RPS3A: variants seen among roughly 807,000 people sequenced by gnomAD.
RPS3A encodes the protein ribosomal protein S3A.
Under a neutral mutation model 26.4 loss-of-function variants are expected in RPS3A, and 1 was observed. The ratio of observed to expected loss-of-function variants is 0.04; its 90% CI spans 0.01 to 0.18. The LOEUF (loss-of-function observed/expected upper bound fraction) is 0.18. RPS3A is among the 10% of genes least tolerant of loss of function. RPS3A has a pLI of 1.00. For synonymous variants in RPS3A, 97 were observed against 106.1 expected (o/e 0.91, Z 0.53); for missense variants, 139 against 326.8 (o/e 0.43, Z 4.43).
chr4:151,103,303 G>A (rs992724664), intron 4 of RPS3A: 4 of 872,688 alleles, frequency 4.6e-6, no homozygotes, highest in Non-Finnish European at 6.3e-6. Flanking sequence ...AGGCTCGAGT[G>A]CAGTATTGTG....
intron 4 of RPS3A, chr4:151,103,419 A>G (rs886678282): frequency 2.8e-6 from 2 of 715,382 alleles, no homozygotes; most frequent in Non-Finnish European, 3.5e-6. Flanking sequence ...ATACCCAGCT[A>G]ATTTTTTTAA....
At position 151,104,457 on chromosome 4, in the gene RPS3A, T is replaced by TTTTTTTTTTTG; in HGVS notation, c.674-10_674-9insTTTTTGTTTTT. On this transcript the variant is annotated splice_polypyrimidine_tract_variant and intron_variant, in intron 5 of 5. Transcript: ENST00000274065. ...TTTTTTGGTTTTTTTTTTTTTTTTTTTTTTTGCCTTTTAGTGGGAAAGCTC... is the reference window on the plus strand; with the variant it reads ...TTTTTTGGTTTTTTTTTTTTTTTTTTTTTTTTTTTTGTTTTTGCCTTTTAGTGGGAAAGCTC... 2 of 1,422,982 alleles carry TTTTTTTTTTTG rather than the reference T, an allele frequency of 1.4e-6. No individual in the cohort carries two copies. The highest frequency in any genetic ancestry group is 9.1e-7 in the Non-Finnish European group (1 of 1,094,888). The allele number at this position is 1,422,982 out of a possible 1,614,324, so 88.1% of individuals were successfully genotyped here. A position where few individuals can be genotyped will look rare whatever the true frequency, so the allele number is the denominator to read the frequency against.
chr4:151,102,732 C>CTTT (rs1193715783), intron 3 of RPS3A, 139 bp from the exon 4 acceptor site: 1 of 1,034,336 alleles, frequency 9.7e-7, no homozygotes, highest in African/African-American at 1.6e-5. Context: ...ATTCTGTAAA[C>CTTT]TTAAAGAGAT....
At chr4:151,102,780 T>C in intron 3 of RPS3A, 91 bp from the exon 4 acceptor site, 9 of 1,336,246 alleles carry the variant, frequency 6.7e-6, no homozygotes, top group Non-Finnish European at 8.1e-6. Context: ...TAATAATGAG[T>C]GTTTGACAAT....
intron 4 of RPS3A, chr4:151,103,324 G>A (rs1747214174): frequency 1.4e-6 from 1 of 717,796 alleles, no homozygotes. Flanking sequence ...ATCCTCCTTG[G>A]CTCACTGTAA....
intron 5 of RPS3A, 86 bp from the exon 6 acceptor site, chr4:151,104,386 A>C: frequency 1.4e-6 from 2 of 1,471,372 alleles, no homozygotes; most frequent in South Asian, 2.7e-5. Context: ...TCTTCCTGTC[A>C]TGCTTGCATA....
At chr4:151,099,776 C>G (rs1747032329) in intron 1 of RPS3A, 62 bp downstream of exon 1, 1 of 1,527,960 alleles carries the variant, frequency 6.5e-7, no homozygotes, top group Non-Finnish European at 8.9e-7. Context: ...GCGGGCTGGT[C>G]CTAGATCGCG....
intron 2 of RPS3A, 146 bp from the exon 3 acceptor site, chr4:151,100,829 T>G (rs575629542): frequency 3.2e-6 from 2 of 633,700 alleles, no homozygotes; most frequent in East Asian, 5.4e-5. Context: ...GTACTGTTGA[T>G]AAGTCACTGG....
intron 3 of RPS3A, among the ~76,000 whole-genome samples, chr4:151,101,786 G>A (rs1747123778): frequency 1.3e-5 from 2 of 152,166 alleles, no homozygotes; most frequent in South Asian, 4.1e-4. Flanking sequence ...GGGCTGGAGT[G>A]CAGTGGCGCC....
chr4:151,101,918 A>G (rs776029821), intron 3 of RPS3A: 1 of 345,618 alleles, frequency 2.9e-6, no homozygotes. Flanking sequence ...TTTTTAGTAG[A>G]GACAGGGTTT....
chr4:151,099,721 C>T lies in RPS3A; in HGVS notation c.62+7C>T, dbSNP rs748439307. 1.2e-6 allele frequency: 2 copies of T among 1,610,992 alleles called. No individual in the cohort carries two copies. Among genetic ancestry groups the T allele is most frequent in the African/African-American group, 1.3e-5 (1 of 74,962 alleles). Reference sequence around the variant, plus strand: ...AGGGAGCCAAGAAGAAAGTGTAAGTCGCGACTGTCGTGGCGTCTTGCTTTT... The same window carrying T: ...AGGGAGCCAAGAAGAAAGTGTAAGTTGCGACTGTCGTGGCGTCTTGCTTTT... On this transcript the variant is annotated splice_region_variant and intron_variant, in intron 1 of 5. Transcript: ENST00000274065.
chr4:151,101,460 G>A (rs1747110551), intron 3 of RPS3A, among the ~76,000 whole-genome samples: 1 of 152,092 alleles, frequency 6.6e-6, no homozygotes, highest in South Asian at 2.1e-4. Flanking sequence ...GCAGGTGGGC[G>A]GTTTTGCCTG....
At chr4:151,103,777 GA>G in intron 4 of RPS3A, 1 of 1,331,736 alleles carries the variant, frequency 7.5e-7, no homozygotes, top group Non-Finnish European at 9.9e-7. Flanking sequence ...CACACACAAA[GA>G]AAAAATACAC....
In RPS3A at chr4:151,104,203, T is replaced by C. The variant is rs376663143; in HGVS notation, c.590T>C (p.Ile197Thr). The change falls in exon 5 of 6, where the codon ATA becomes ACA. Residue 197 changes from isoleucine (I) to threonine (T), a missense_variant. Ile to Thr is a moderately conservative substitution (Grantham distance 89, BLOSUM62 -1). This residue lies in a region of RPS3A where 96 missense variants were observed against 209.8 expected (regional missense o/e 0.46). Coordinates refer to ENST00000274065, the MANE Select transcript of RPS3A (RefSeq NM_001006.5). ...KLIPDSIGKDIEKACQSIYPL... is the reference protein window; with the variant it reads ...KLIPDSIGKDTEKACQSIYPL... The stretch of plus-strand genomic sequence containing the variant: ...ATTCCAGACAGCATTGGAAAAGACA[T>C]AGAAAAGGCTTGCCAATCTATTTAT... 1 of 1,611,596 alleles carries C rather than the reference T, an allele frequency of 6.2e-7. No homozygotes were observed. Among genetic ancestry groups the C allele is most frequent in the African/African-American group, 1.3e-5 (1 of 74,802 alleles).
intron 3 of RPS3A, 53 bp downstream of exon 3, chr4:151,101,215 T>C: frequency 8.8e-7 from 1 of 1,132,202 alleles, no homozygotes; most frequent in Non-Finnish European, 1.3e-6. Flanking sequence ...TGACCAAGGA[T>C]AGCATGGTTT....
At chr4:151,104,439 G>GTTTTTGTTT in intron 5 of RPS3A, 33 bp from the exon 6 acceptor site, 1 of 710,330 alleles carries the variant, frequency 1.4e-6, no homozygotes, top group African/African-American at 2.9e-5. Context: ...CAGTTTTTTG[G>GTTTTTGTTT]TTTTTTTTTT....
Position 151,104,507 on chromosome 4 carries a change from A to G in RPS3A, c.709A>G (p.Ser237Gly), listed in dbSNP as rs766820318. 7 of 1,476,910 alleles carry G rather than the reference A, an allele frequency of 4.7e-6. No individual in the cohort carries two copies. Among genetic ancestry groups the G allele is most frequent in the Middle Eastern group, 4.1e-4 (2 of 4,914 alleles). 91.5% of individuals were successfully genotyped at this position (1,476,910 alleles called of 1,614,324 possible). A position where few individuals can be genotyped will look rare whatever the true frequency, so the allele number is the denominator to read the frequency against. Residue 237 changes from serine (S) to glycine (G), a missense_variant, in exon 6 of 6, where the codon AGT becomes GGT. Physicochemically the swap from Ser to Gly is moderately conservative, Grantham distance 56. Transcript: ENST00000274065. ...CATGGAGCTTCATGGTGAAGGCAGT[A>G]GTTCTGGAAAAGCCACTGGGGACGA... is the stretch of plus-strand genomic sequence containing the variant. ...KLMELHGEGSSSGKATGDETG... is the reference protein window; with the variant it reads ...KLMELHGEGSGSGKATGDETG...
At chr4:151,103,132 C>T (rs1296523025) in intron 4 of RPS3A, 53 bp downstream of exon 4, 1 of 1,558,506 alleles carries the variant, frequency 6.4e-7, no homozygotes, top group African/African-American at 1.4e-5. Flanking sequence ...TTGGATTATT[C>T]CTGAGATGAG....
chr4:151,102,627 TGGAGGGTAGAAAGGAGGAG>T, intron 3 of RPS3A: 1 of 489,320 alleles, frequency 2.0e-6, no homozygotes, highest in Non-Finnish European at 3.7e-6. Context: ...GTAGTGTTAA[TGGAGGGTAGAAAGGAGGAG>T]GGAGGGCAGT....
Sources: allele counts gnomAD v4.1 joint callset (sites outside exome capture counted in the v4.1 genomes callset), GRCh38; gene constraint gnomAD v4.1.1; regional missense constraint gnomAD v4.1.1; transcripts MANE v1.5; gene names NCBI Gene and HGNC (gene_info 2026-07-23, HGNC 2026-07-21).